GRIK3: variants seen among roughly 807,000 people sequenced by gnomAD.
The protein encoded by GRIK3 is glutamate ionotropic receptor kainate type subunit 3, also known as glutamate receptor ionotropic, kainate 3.
Under a neutral mutation model 102.5 loss-of-function variants are expected in GRIK3, and 29 were observed. The ratio of observed to expected loss-of-function variants is 0.28; its 90% CI spans 0.21 to 0.39. The LOEUF (loss-of-function observed/expected upper bound fraction) is 0.39. Ranked by LOEUF, GRIK3 falls within the 10% of genes least tolerant of loss-of-function variation. GRIK3 has a pLI of 1.00. For missense variants in GRIK3, 908 were observed against 1,252.4 expected, an observed-to-expected ratio of 0.73 and a Z score of 4.15; for synonymous variants, 511 against 504.9, an observed-to-expected ratio of 1.01 and a Z score of -0.16.
At chr1:36,830,283 C>T (rs537847799) in intron 10 of GRIK3, among the ~76,000 whole-genome samples, 1 of 152,232 alleles carries the variant, frequency 6.6e-6, no homozygotes, top group South Asian at 2.1e-4. Context: ...AGTACTTGGA[C>T]CCAGTTCATT....
chr1:36,973,721 G>A (rs537241573), intron 1 of GRIK3, among the ~76,000 whole-genome samples: 2 of 151,864 alleles, frequency 1.3e-5, no homozygotes, highest in Admixed American at 6.6e-5. Context: ...GAGCCACCGC[G>A]CTGGGCCTAG....
At chr1:36,886,012 A>G (rs1290713633) in intron 2 of GRIK3, among the ~76,000 whole-genome samples, 3 of 152,188 alleles carry the variant, frequency 2.0e-5, no homozygotes, top group Admixed American at 1.3e-4. Context: ...GTGAAGGCGG[A>G]GGAGCCTGGG....
intron 1 of GRIK3, 82 bp downstream of exon 1, chr1:37,033,912 C>T: frequency 1.4e-6 from 1 of 726,308 alleles, no homozygotes; most frequent in Non-Finnish European, 2.3e-6. Context: ...TTAGGAAAAT[C>T]TCTCCGGAAC....
chr1:36,981,236 T>C (rs1642244965), intron 1 of GRIK3, among the ~76,000 whole-genome samples: 2 of 152,144 alleles, frequency 1.3e-5, no homozygotes, highest in Admixed American at 1.3e-4. Flanking sequence ...CTGGGGTTTC[T>C]CCATGGAAGC....
Position 36,850,249 on chromosome 1 carries a change from C to A in GRIK3, c.1326+62G>T. ...GGGGGGGATAGAGGGGACTCTCCAG[C>A]CCGAACGGCCACCCCACCCCCAGGT... On this transcript the variant is annotated intron_variant, in intron 9 of 15. Coordinates refer to ENST00000373091, the MANE Select transcript of GRIK3 (RefSeq NM_000831.4). This position sits in a 1 kb window ranked among gnomAD's most constrained non-coding sequence, Gnocchi z 4.0. 1 of 1,039,418 alleles carries A rather than the reference C, an allele frequency of 9.6e-7. No homozygotes were observed. The highest frequency in any genetic ancestry group is 1.6e-5 in the African/African-American group (1 of 64,370). The allele number at this position is 1,039,418 out of a possible 1,614,324, so 64.4% of individuals were successfully genotyped here. A position where few individuals can be genotyped will look rare whatever the true frequency, so the allele number is the denominator to read the frequency against.
chr1:37,033,969 AC>A, intron 1 of GRIK3, 24 bp downstream of exon 1: 1 of 1,374,382 alleles, frequency 7.3e-7, no homozygotes, highest in Admixed American at 1.9e-5. Context: ...GCGCACGGAG[AC>A]CCCCGGCTCC....
At chr1:36,950,053 A>G (rs1557437209) in intron 1 of GRIK3, among the ~76,000 whole-genome samples, 1 of 152,162 alleles carries the variant, frequency 6.6e-6, no homozygotes, top group East Asian at 1.9e-4. Flanking sequence ...AGTTGCTCTA[A>G]AAGTGTGCCA....
intron 3 of GRIK3, among the ~76,000 whole-genome samples, chr1:36,878,002 C>G (rs1004830214): frequency 2.0e-5 from 3 of 152,214 alleles, no homozygotes; most frequent in South Asian, 2.1e-4. Flanking sequence ...TTTCTTCACC[C>G]GTATACTCTT....
At chr1:36,815,155 G>T (rs888648343) in intron 13 of GRIK3, among the ~76,000 whole-genome samples, 1 of 152,196 alleles carries the variant, frequency 6.6e-6, no homozygotes, top group Non-Finnish European at 1.5e-5. Flanking sequence ...TGATAATGCC[G>T]TTGTCTTCCC....
Position 36,805,257 on chromosome 1 carries a change from C to A in GRIK3, c.2315-20G>T. On this transcript the variant is annotated intron_variant, in intron 14 of 15. Coordinates refer to ENST00000373091, the MANE Select transcript of GRIK3 (RefSeq NM_000831.4). ...GGGAGCCTGAGCAGGGAGAAGGGAC[C>A]CCTAGCCATCAGTGGCGTGTGGCCC... The A allele has an allele frequency of 6.3e-7, 1 of 1,590,060 alleles. No homozygotes were observed. Among genetic ancestry groups the A allele is most frequent in the South Asian group, 1.2e-5 (1 of 86,568 alleles).
Position 36,850,345 on chromosome 1 carries a change from A to G in GRIK3, c.1292T>C (p.Leu431Pro), listed in dbSNP as rs1398328374. ...KGRGPNVTDSLTNRSLIVTTV... is the reference protein window; with the variant it reads ...KGRGPNVTDSPTNRSLIVTTV... ...GGTGACAATGAGTGATCTGTTTGTC[A>G]GAGAGTCGGTGACATTAGGGCCTCG... The change falls in exon 9 of 16, where the codon CTG becomes CCG. Residue 431 changes from leucine to proline, a missense_variant. Physicochemically the swap from Leu to Pro is moderately conservative, Grantham distance 98. Coordinates refer to ENST00000373091, the MANE Select transcript of GRIK3 (RefSeq NM_000831.4). This position sits in a 1 kb window ranked among gnomAD's most constrained non-coding sequence, Gnocchi z 4.0. 1 of 1,612,918 alleles carries G rather than the reference A, an allele frequency of 6.2e-7. No individual in the cohort carries two copies. The highest frequency in any genetic ancestry group is 8.5e-7 in the Non-Finnish European group (1 of 1,178,988).
intron 1 of GRIK3, among the ~76,000 whole-genome samples, chr1:36,932,834 C>T (rs1641610590): frequency 6.6e-6 from 1 of 152,112 alleles, no homozygotes; most frequent in Non-Finnish European, 1.5e-5. Flanking sequence ...CTAGGTACTG[C>T]ATCTATTTGC....
In GRIK3 at chr1:36,797,920, C is replaced by T. The variant is rs1326935006; in HGVS notation, c.*3931G>A. 3 of 152,386 alleles carry T rather than the reference C, an allele frequency of 2.0e-5. No homozygotes were observed. The highest frequency in any genetic ancestry group is 7.2e-5 in the African/African-American group (3 of 41,456). The allele number at this position is 152,386 out of a possible 1,614,324, so 9.4% of individuals were successfully genotyped here. A position where few individuals can be genotyped will look rare whatever the true frequency, so the allele number is the denominator to read the frequency against. ...TTTGGCCCTTTACCCTGGCCTGGGCCAGGATTCCCATCTTCCAGGGCCTAG... is the reference window on the plus strand; with the variant it reads ...TTTGGCCCTTTACCCTGGCCTGGGCTAGGATTCCCATCTTCCAGGGCCTAG... On this transcript the variant is annotated 3_prime_UTR_variant, in exon 16 of 16. Coordinates refer to ENST00000373091, the MANE Select transcript of GRIK3 (RefSeq NM_000831.4).
chr1:36,834,965 T>G (rs544973308), intron 10 of GRIK3, among the ~76,000 whole-genome samples: 1 of 152,254 alleles, frequency 6.6e-6, no homozygotes, highest in Non-Finnish European at 1.5e-5. Flanking sequence ...AGTCACTTCC[T>G]CAGGGAAGTT....
At chr1:36,958,961 C>T (rs524918) in intron 1 of GRIK3, among the ~76,000 whole-genome samples, 25,919 of 71,854 alleles carry the variant, frequency 0.36, 7,971 homozygotes, top group East Asian at 0.74. Context: ...TGTGAGCCTG[C>T]ACCCCATGAG....
chr1:36,816,956 A>C, intron 13 of GRIK3, 104 bp downstream of exon 13: 1 of 760,804 alleles, frequency 1.3e-6, no homozygotes, highest in Non-Finnish European at 2.2e-6. Context: ...CCCATTGGCC[A>C]TGCGTGGTTA....
At chr1:36,970,681 G>T (rs1049688518) in intron 1 of GRIK3, among the ~76,000 whole-genome samples, 1 of 152,060 alleles carries the variant, frequency 6.6e-6, no homozygotes, top group African/African-American at 2.4e-5. Context: ...CTTCTCTAGG[G>T]TTCCTCTTCC....
chr1:37,024,381 T>C (rs528880340), intron 1 of GRIK3, among the ~76,000 whole-genome samples: 12 of 152,136 alleles, frequency 7.9e-5, no homozygotes, highest in African/African-American at 2.9e-4. Context: ...CACGGCTGTG[T>C]TCTAAGCACT....
chr1:36,855,862 C>T (rs1267192766), intron 7 of GRIK3, among the ~76,000 whole-genome samples: 3 of 152,226 alleles, frequency 2.0e-5, no homozygotes, highest in Non-Finnish European at 4.4e-5. Flanking sequence ...CTCACTGTGA[C>T]CCTGCCAGGT....
Sources: allele counts gnomAD v4.1 joint callset (sites outside exome capture counted in the v4.1 genomes callset), GRCh38; gene constraint gnomAD v4.1.1; non-coding constraint Gnocchi (gnomAD v3.1); transcripts MANE v1.5; gene names NCBI Gene and HGNC (gene_info 2026-07-23, HGNC 2026-07-21).